The following FANCA variants were observed in gnomAD, a reference collection of about 807,000 sequenced individuals.
FANCA encodes FA complementation group A, also known as Fanconi anemia group A protein.
Under a neutral mutation model 194.3 loss-of-function variants are expected in FANCA, and 236 were observed. That is an observed-to-expected ratio of 1.21 (90% CI 1.09 to 1.35). FANCA has a LOEUF of 1.35. Ranked by LOEUF, FANCA falls within the 40% of genes most tolerant of loss-of-function variation. The pLI, the probability that FANCA is intolerant of heterozygous loss-of-function variation, is 0.00. For synonymous variants in FANCA, 1,014 were observed against 715.8 expected (o/e 1.42, Z -6.65); for missense variants, 2,628 against 1,813.9 (o/e 1.45, Z -8.15).
At position 89,761,949 on chromosome 16, in the gene FANCA, C is replaced by T. The variant is rs755922289; in HGVS notation, c.2852G>A (p.Arg951Gln). 168 of 1,613,314 alleles carry T rather than the reference C, an allele frequency of 1.0e-4. No homozygotes were observed. The highest frequency in any genetic ancestry group is 1.4e-4 in the Non-Finnish European group (161 of 1,179,396). The part of the protein sequence containing the change: ...PEADALSDTE[R>Q]QDFHQWAIHE... ...CAGGGTAGCTCTTTTCAACACTTAC[C>T]GTTCAGTATCTGAAAGAGCATCAGC... The change falls in exon 29 of 43, where the codon CGG (arginine) becomes CAG (glutamine). Residue 951 changes from arginine (R) to glutamine (Q), a missense_variant and splice_region_variant. Transcript: ENST00000389301.
intron 8 of FANCA, among the ~76,000 whole-genome samples, chr16:89,802,203 A>G (rs1444336267): frequency 6.6e-6 from 1 of 151,846 alleles, no homozygotes; most frequent in East Asian, 1.9e-4. Flanking sequence ...TCCTGGGTTC[A>G]AGCAATTCTC....
intron 5 of FANCA, among the ~76,000 whole-genome samples, chr16:89,808,769 A>G (rs1567651378): frequency 6.6e-6 from 1 of 152,016 alleles, no homozygotes; most frequent in East Asian, 1.9e-4. Flanking sequence ...TGCCCTGTGC[A>G]TGTCCCTTGT....
chr16:89,779,015 A>T lies in FANCA; in HGVS notation c.1716-12T>A, dbSNP rs764028075. 6.2e-7 allele frequency: 1 copy of T among 1,612,700 alleles called. No individual in the cohort carries two copies. Among genetic ancestry groups the T allele is most frequent in the South Asian group, 1.1e-5 (1 of 90,998 alleles). ...GCCTCCTGAATATGCTGCAACACAG[A>T]GAAGCAGACAGTGCATCAGTCAGAG... On this transcript the variant is annotated splice_polypyrimidine_tract_variant and intron_variant, in intron 18 of 42. Transcript: ENST00000389301.
chr16:89,773,055 T>C (rs770666881), intron 22 of FANCA, among the ~76,000 whole-genome samples: 3 of 152,170 alleles, frequency 2.0e-5, no homozygotes, highest in Non-Finnish European at 2.9e-5. Flanking sequence ...AATATTCACC[T>C]TCTGCCAAGG....
intron 18 of FANCA, among the ~76,000 whole-genome samples, chr16:89,779,573 A>G (rs2039631232): frequency 6.6e-6 from 1 of 152,196 alleles, no homozygotes; most frequent in Admixed American, 6.5e-5. Context: ...TACAGAGGAA[A>G]AAATGTTTCA....
At chr16:89,763,341 C>G (rs911496983) in intron 28 of FANCA, among the ~76,000 whole-genome samples, 30 of 151,976 alleles carry the variant, frequency 2.0e-4, no homozygotes, top group Admixed American at 2.0e-3. Context: ...ATTGGCAGGC[C>G]AAAGCAGAAG....
At chr16:89,768,642 T>G (rs2039212227) in intron 26 of FANCA, among the ~76,000 whole-genome samples, 1 of 151,356 alleles carries the variant, frequency 6.6e-6, no homozygotes. Flanking sequence ...GACGATAGAG[T>G]GAGACTCTGT....
chr16:89,745,029 T>C lies in FANCA; in HGVS notation c.3556A>G (p.Arg1186Gly), dbSNP rs748713183. ...GGCAGCGGGCTCTGGCAGTGTCTCC[T>C]CCACCGGCAGAGCAGCACAGGCTCC... ...SLEPVLLCRW[R>G]RHCQSPLPRE... Residue 1186 changes from arginine (R) to glycine (G), a missense_variant, in exon 36 of 43, where the codon AGG (arginine) becomes GGG (glycine). By Grantham distance (125) the Arg-to-Gly change is moderately radical (BLOSUM62 -2). Transcript: ENST00000389301. 52 of 1,610,104 alleles carry C rather than the reference T, an allele frequency of 3.2e-5. No homozygotes were observed. Among genetic ancestry groups the C allele is most frequent in the Middle Eastern group, 1.6e-4 (1 of 6,080 alleles).
intron 35 of FANCA, 93 bp from the exon 36 acceptor site, chr16:89,745,164 G>A: frequency 8.6e-7 from 1 of 1,160,964 alleles, no homozygotes; most frequent in Non-Finnish European, 1.2e-6. Context: ...GCTCCTACAG[G>A]CCACTACAGG....
chr16:89,785,851 G>GTT (rs1598142247), intron 14 of FANCA, among the ~76,000 whole-genome samples: 1 of 91,706 alleles, frequency 1.1e-5, no homozygotes, highest in African/African-American at 6.1e-5. Context: ...GTGCAAAATT[G>GTT]TGTTTTGTTT....
At position 89,739,935 on chromosome 16, in the gene FANCA, C is replaced by A. The variant is rs11647746; in HGVS notation, c.3934+59G>T. ...AGGAGGGCTCGTTCTTAACCATTTG[C>A]AAGATGCCTCTGAAAAGAGCGGCCC... On this transcript the variant is annotated intron_variant, in intron 39 of 42. Coordinates refer to ENST00000389301, the MANE Select transcript of FANCA (RefSeq NM_000135.4). 154,887 of 1,605,564 alleles carry A rather than the reference C, an allele frequency of 0.096. 8,244 individuals carry two copies. Among genetic ancestry groups the A allele is most frequent in the East Asian group, 0.17 (7,680 of 44,646 alleles).
intron 32 of FANCA, 88 bp downstream of exon 32, chr16:89,749,642 A>G: frequency 6.7e-7 from 1 of 1,499,656 alleles, no homozygotes; most frequent in Non-Finnish European, 9.1e-7. Context: ...AACGGGAAAC[A>G]AACTCACTAC....
chr16:89,754,883 C>A (rs2038717897), intron 30 of FANCA, among the ~76,000 whole-genome samples: 1 of 152,170 alleles, frequency 6.6e-6, no homozygotes, highest in Non-Finnish European at 1.5e-5. Context: ...TTTGTCGAAA[C>A]TGACAAGCTC....
At chr16:89,798,725 T>C (rs1598163571) in intron 10 of FANCA, 1 of 1,334,256 alleles carries the variant, frequency 7.5e-7, no homozygotes, top group South Asian at 1.6e-5. Context: ...TACTGGTGAA[T>C]CTGAGCAGGA....
chr16:89,810,822 T>G lies in FANCA; in HGVS notation c.427-20A>C. 1 of 1,613,224 alleles carries G rather than the reference T, an allele frequency of 6.2e-7. No homozygotes were observed. The highest frequency in any genetic ancestry group is 8.5e-7 in the Non-Finnish European group (1 of 1,179,140). On this transcript the variant is annotated intron_variant, in intron 4 of 42. Transcript: ENST00000389301. ...CTTCTTCTGAAAAGAGAGATTACAT[T>G]TTTTAAAAAACAAATTACCTGAAAC...
At chr16:89,808,242 T>C (rs1248166142) in intron 6 of FANCA, 52 bp downstream of exon 6, 4 of 1,545,674 alleles carry the variant, frequency 2.6e-6, no homozygotes, top group East Asian at 2.2e-5. Flanking sequence ...ATATAATTTA[T>C]ACTAGACTAG....
chr16:89,754,163 G>A (rs1019191947), intron 30 of FANCA, among the ~76,000 whole-genome samples: 1 of 151,862 alleles, frequency 6.6e-6, no homozygotes, highest in Non-Finnish European at 1.5e-5. Context: ...CGAAGGTTTC[G>A]GTAAGCCGAG....
intron 6 of FANCA, 31 bp from the exon 7 acceptor site, chr16:89,805,423 C>G (rs772396565): frequency 6.5e-7 from 1 of 1,549,126 alleles, no homozygotes; most frequent in Admixed American, 1.7e-5. Context: ...AGACGTAAGG[C>G]TCAACTAAAT....
rs2041021364 is a variant in FANCA at position 89,814,431 on chromosome 16, T to C, written c.283+89A>G. ...AGTGGAAACCCATCGCCTGAGAAAATTTACATTTCTACTTAATTTAGCAAA... is the reference window on the plus strand; with the variant it reads ...AGTGGAAACCCATCGCCTGAGAAAACTTACATTTCTACTTAATTTAGCAAA... On this transcript the variant is annotated intron_variant, in intron 3 of 42. Coordinates refer to ENST00000389301, the MANE Select transcript of FANCA (RefSeq NM_000135.4). 5 of 1,044,924 alleles carry C rather than the reference T, an allele frequency of 4.8e-6. No homozygotes were observed. In the East Asian group the frequency reaches 1.0e-4, roughly 21 times the overall value. 64.7% of individuals were successfully genotyped at this position (1,044,924 alleles called of 1,614,324 possible).
Sources: allele counts gnomAD v4.1 joint callset (sites outside exome capture counted in the v4.1 genomes callset), GRCh38; gene constraint gnomAD v4.1.1; transcripts MANE v1.5; gene names NCBI Gene and HGNC (gene_info 2026-07-23, HGNC 2026-07-21).